Variants in AGBL4 observed in about 807,000 individuals in gnomAD.
AGBL4 encodes the protein AGBL carboxypeptidase 4, also known as cytosolic carboxypeptidase 6.
In AGBL4, 58 loss-of-function variants were observed where a neutral mutation model predicts 66.4. The ratio of observed to expected loss-of-function variants is 0.87; its 90% CI spans 0.71 to 1.09. AGBL4 has a LOEUF of 1.09. AGBL4 is among the 50% of genes least tolerant of loss of function. The pLI is 0.00. For synonymous variants in AGBL4, 234 were observed against 222.9 expected (o/e 1.05, Z -0.44); for missense variants, 579 against 631.0 (o/e 0.92, Z 0.88).
chr1:48,792,312 C>T (rs1166191447), intron 6 of AGBL4, among the ~76,000 whole-genome samples: 1 of 151,990 alleles, frequency 6.6e-6, no homozygotes, highest in African/African-American at 2.4e-5. Context: ...GAGCATGGCT[C>T]TGCAAACACC....
chr1:49,348,433 A>T (rs867242208), intron 3 of AGBL4, among the ~76,000 whole-genome samples: 1 of 152,164 alleles, frequency 6.6e-6, no homozygotes, highest in South Asian at 2.1e-4. Flanking sequence ...AAAAAAAAAT[A>T]AAAATAAAAA....
chr1:49,823,777 A>AGTGTGTGT (rs1271305647), intron 2 of AGBL4, among the ~76,000 whole-genome samples: 1 of 21,308 alleles, frequency 4.7e-5, no homozygotes, highest in Non-Finnish European at 9.3e-5. Flanking sequence ...AAGGCTGCAT[A>AGTGTGTGT]ATGTGTGTGT....
chr1:48,841,806 T>A (rs979555203), intron 6 of AGBL4, among the ~76,000 whole-genome samples: 1 of 152,122 alleles, frequency 6.6e-6, no homozygotes, highest in African/African-American at 2.4e-5. Flanking sequence ...AGAGTCATAA[T>A]TTTTTTCTTT....
chr1:48,867,269 C>G, intron 5 of AGBL4, 39 bp from the exon 6 acceptor site: 1 of 1,609,366 alleles, frequency 6.2e-7, no homozygotes. Context: ...CTGATTTGAG[C>G]CAGAGCCAAA....
intron 9 of AGBL4, among the ~76,000 whole-genome samples, chr1:48,600,329 A>G (rs2148362603): frequency 6.6e-6 from 1 of 152,260 alleles, no homozygotes; most frequent in African/African-American, 2.4e-5. Flanking sequence ...ATGGGGGAGG[A>G]TAATAATAAC....
At chr1:49,745,775 A>T (rs954802394) in intron 2 of AGBL4, among the ~76,000 whole-genome samples, 3 of 151,986 alleles carry the variant, frequency 2.0e-5, no homozygotes, top group African/African-American at 7.2e-5. Flanking sequence ...AAAGATAGAA[A>T]ATTTAACAAT....
intron 6 of AGBL4, among the ~76,000 whole-genome samples, chr1:48,702,814 T>G (rs1646823331): frequency 6.6e-6 from 1 of 152,152 alleles, no homozygotes; most frequent in South Asian, 2.1e-4. Flanking sequence ...TGCATTTGAT[T>G]CCGTAGTCAG....
rs1044890688 is a variant in AGBL4 at position 48,692,442 on chromosome 1, G to A, written c.635-29201C>T. The stretch of plus-strand genomic sequence containing the variant: ...GAAAGGCTGTGCGCGCCTGTCTGTC[G>A]AGTCACCCACACAGAGAGCAATGCA... On this transcript the variant is annotated intron_variant, in intron 6 of 13. Transcript: ENST00000371839. Among the ~76,000 whole-genome samples the A allele has an allele frequency of 7.2e-5, 11 of 152,166 alleles. 1 individual carries two copies. Among genetic ancestry groups the A allele is most frequent in the Admixed American group, 3.9e-4 (6 of 15,274 alleles).
rs140866265 is a variant in AGBL4, at chr1:49,812,822, C to T, written c.157+38574G>A. Among the ~76,000 whole-genome samples, 55 of 152,228 alleles carry T rather than the reference C, an allele frequency of 3.6e-4. No individual in the cohort carries two copies. The East Asian group carries it at 0.011, about 29-fold the overall frequency. On this transcript the variant is annotated intron_variant, in intron 2 of 13. Transcript: ENST00000371839. ...ATGTGCCAGGTACTGTACTAAGTCA[C>T]ACCATGGGAAAGAGAATCTAAGAGA...
chr1:48,992,926 G>C (rs1201717916), intron 5 of AGBL4, among the ~76,000 whole-genome samples: 2 of 152,144 alleles, frequency 1.3e-5, no homozygotes, highest in African/African-American at 4.8e-5. Context: ...CCAACCTAGA[G>C]CCATGGCCTG....
At chr1:49,061,372 C>T (rs1172674001) in intron 4 of AGBL4, among the ~76,000 whole-genome samples, 1 of 152,080 alleles carries the variant, frequency 6.6e-6, no homozygotes, top group Non-Finnish European at 1.5e-5. Context: ...TATCAGTCTC[C>T]AGACAGCAGG....
At chr1:49,033,739 C>T (rs1203151648) in intron 5 of AGBL4, among the ~76,000 whole-genome samples, 1 of 152,094 alleles carries the variant, frequency 6.6e-6, no homozygotes, top group African/African-American at 2.4e-5. Flanking sequence ...CCTCCTTATC[C>T]TGGCTCTCTG....
chr1:49,554,853 C>A (rs753106128), intron 3 of AGBL4, among the ~76,000 whole-genome samples: 2 of 151,966 alleles, frequency 1.3e-5, no homozygotes, highest in Non-Finnish European at 2.9e-5. Context: ...GTGAGTGTTA[C>A]AGCTCTTAAA....
chr1:49,779,803 G>A lies in AGBL4; in HGVS notation c.157+71593C>T, dbSNP rs530383182. On this transcript the variant is annotated intron_variant, in intron 2 of 13. Coordinates refer to ENST00000371839, the MANE Select transcript of AGBL4 (RefSeq NM_032785.4). ...AAGGCTACACAGAGAATTTTGGCCT[G>A]GACCCTGACTCCTCACTAACTTCCA... Among the ~76,000 whole-genome samples the A allele has an allele frequency of 2.4e-4, 36 of 152,190 alleles. 1 individual carries two copies. The South Asian group carries it at 7.5e-3, about 32-fold the overall frequency.
chr1:48,945,030 T>C (rs1656380449), intron 5 of AGBL4, among the ~76,000 whole-genome samples: 1 of 152,152 alleles, frequency 6.6e-6, no homozygotes. Flanking sequence ...ATTACTGCAT[T>C]AGGATGATCC....
At chr1:49,934,822 T>C (rs1367034188) in intron 1 of AGBL4, among the ~76,000 whole-genome samples, 1 of 93,594 alleles carries the variant, frequency 1.1e-5, no homozygotes, top group Non-Finnish European at 2.1e-5. Context: ...AAATCAGAGA[T>C]ACAAAAAAAA....
chr1:49,561,097 C>T (rs942722476), intron 3 of AGBL4, among the ~76,000 whole-genome samples: 3 of 151,970 alleles, frequency 2.0e-5, no homozygotes, highest in Non-Finnish European at 4.4e-5. Context: ...ACTACTCTCA[C>T]TCATAGCACA....
At chr1:49,855,187 A>C (rs1397985737) in intron 1 of AGBL4, among the ~76,000 whole-genome samples, 1 of 152,198 alleles carries the variant, frequency 6.6e-6, no homozygotes, top group Non-Finnish European at 1.5e-5. Context: ...TTATGTAATG[A>C]TAAAGAGATC....
chr1:49,336,921 G>A (rs1645449384), intron 3 of AGBL4, among the ~76,000 whole-genome samples: 3 of 152,162 alleles, frequency 2.0e-5, no homozygotes, highest in Non-Finnish European at 4.4e-5. Flanking sequence ...ATGGTTTAGA[G>A]ATTCAATAAC....
Sources: allele counts gnomAD v4.1 joint callset (sites outside exome capture counted in the v4.1 genomes callset), GRCh38; gene constraint gnomAD v4.1.1; transcripts MANE v1.5; gene names NCBI Gene and HGNC (gene_info 2026-07-23, HGNC 2026-07-21).